The following PCDH9 variants were observed in gnomAD, a reference collection of about 807,000 sequenced individuals.
PCDH9 encodes the protein protocadherin-9.
Under a neutral mutation model 70.6 loss-of-function variants are expected in PCDH9, and 24 were observed. The observed-to-expected ratio is 0.34, with a 90% CI of 0.25 to 0.48. The LOEUF is 0.48. Ranked by LOEUF, PCDH9 falls within the 20% of genes least tolerant of loss-of-function variation. PCDH9 has a pLI of 0.99. For synonymous variants in PCDH9, 562 were observed against 558.5 expected, an observed-to-expected ratio of 1.01 and a Z score of -0.09; for missense variants, 1,281 against 1,503.6, an observed-to-expected ratio of 0.85 and a Z score of 2.45.
At chr13:66,945,848 TC>T in intron 2 of PCDH9, among the ~76,000 whole-genome samples, 1 of 152,302 alleles carries the variant, frequency 6.6e-6, no homozygotes, top group South Asian at 2.1e-4. Flanking sequence ...TAAGAAATAC[TC>T]ATGGGTATGT....
chr13:67,129,921 A>G (rs2087070042), intron 2 of PCDH9, among the ~76,000 whole-genome samples: 1 of 152,112 alleles, frequency 6.6e-6, no homozygotes, highest in African/African-American at 2.4e-5. Context: ...CTTATTATTA[A>G]TTATTTTAAA....
chr13:66,412,940 T>C (rs1237376207), intron 4 of PCDH9, among the ~76,000 whole-genome samples: 2 of 152,236 alleles, frequency 1.3e-5, no homozygotes, highest in East Asian at 3.8e-4. Context: ...AATATGTTCA[T>C]TATTTGCCGC....
At chr13:66,897,297 A>G (rs1014129421) in intron 3 of PCDH9, among the ~76,000 whole-genome samples, 1 of 152,040 alleles carries the variant, frequency 6.6e-6, no homozygotes, top group Non-Finnish European at 1.5e-5. Flanking sequence ...AGATTAATAT[A>G]TGACTCATAG....
intron 2 of PCDH9, among the ~76,000 whole-genome samples, chr13:67,168,642 G>A (rs1341143142): frequency 6.6e-6 from 1 of 151,950 alleles, no homozygotes; most frequent in African/African-American, 2.4e-5. Context: ...GAGATGGGGG[G>A]ATTACTTGAG....
chr13:66,623,666 C>CTGGT (rs1366159577), intron 4 of PCDH9, among the ~76,000 whole-genome samples: 22 of 152,282 alleles, frequency 1.4e-4, no homozygotes, highest in African/African-American at 5.3e-4. Context: ...TCTCCAACTC[C>CTGGT]TGGCTTCAAG....
chr13:67,100,303 C>T (rs1280715463), intron 2 of PCDH9, among the ~76,000 whole-genome samples: 1 of 152,072 alleles, frequency 6.6e-6, no homozygotes, highest in Non-Finnish European at 1.5e-5. Context: ...TTACTGAGTG[C>T]TCAGTATGTA....
chr13:67,228,249 G>A lies in PCDH9; in HGVS notation c.192C>T (p.Tyr64=). The A allele has an allele frequency of 6.2e-7, 1 of 1,613,138 alleles. No homozygotes were observed. The highest frequency in any genetic ancestry group is 8.5e-7 in the Non-Finnish European group (1 of 1,179,600). ...AATGTSASLV[Y]RLVSKAGDAP... ...CATCCCCAGCTTTAGAAACCAGTCT[G>A]TAGACAAGGCTGGCGCTGGTCCCTG... is the stretch of plus-strand genomic sequence containing the variant. Residue 64 remains tyrosine, a synonymous_variant, in exon 2 of 5, where the codon TAC becomes TAT. Transcript: ENST00000377865.
intron 4 of PCDH9, among the ~76,000 whole-genome samples, chr13:66,617,015 G>C (rs1363790557): frequency 3.3e-5 from 5 of 152,324 alleles, no homozygotes; most frequent in East Asian, 3.9e-4. Context: ...GCTGATTCCT[G>C]CTGATTAAGC....
At chr13:66,739,192 T>C (rs1284389076) in intron 3 of PCDH9, among the ~76,000 whole-genome samples, 16 of 139,414 alleles carry the variant, frequency 1.1e-4, no homozygotes, top group Non-Finnish European at 2.2e-4. Flanking sequence ...ATATTCAACA[T>C]TCTTAAAGAA....
At chr13:66,483,865 G>C (rs187955265) in intron 4 of PCDH9, among the ~76,000 whole-genome samples, 6 of 152,224 alleles carry the variant, frequency 3.9e-5, no homozygotes, top group Admixed American at 2.0e-4. Flanking sequence ...GACCCCTAGC[G>C]GGCAGATACA....
At chr13:66,325,169 T>C (rs1489124447) in intron 4 of PCDH9, among the ~76,000 whole-genome samples, 1 of 152,084 alleles carries the variant, frequency 6.6e-6, no homozygotes, top group Non-Finnish European at 1.5e-5. Context: ...AAACTTGATG[T>C]GTATTTTTAC....
chr13:67,211,602 A>C (rs957165368), intron 2 of PCDH9: 1 of 152,110 alleles, frequency 6.6e-6, no homozygotes, highest in Non-Finnish European at 1.5e-5. Context: ...GTAATAGCCG[A>C]ATTATGACAT....
At chr13:66,888,511 A>T (rs1286842057) in intron 3 of PCDH9, among the ~76,000 whole-genome samples, 1 of 151,436 alleles carries the variant, frequency 6.6e-6, no homozygotes, top group Non-Finnish European at 1.5e-5. Context: ...AAATATAAAT[A>T]AAAAAATAAA....
chr13:66,788,807 C>T (rs1023331035), intron 3 of PCDH9, among the ~76,000 whole-genome samples: 4 of 152,020 alleles, frequency 2.6e-5, no homozygotes, highest in African/African-American at 9.7e-5. Context: ...TGATCCATCC[C>T]TGTTGTTTTT....
At position 66,943,439 on chromosome 13, in the gene PCDH9, T is replaced by A. The variant is rs114991566; in HGVS notation, c.3037-39834A>T. On this transcript the variant is annotated intron_variant, in intron 2 of 4. Transcript: ENST00000377865. ...ATCAAGATTTGTGGAAATCATAGAG[T>A]ACTGACATTTCTCTACTCCACTATC... Among the ~76,000 whole-genome samples the A allele has an allele frequency of 5.5e-3, 838 of 152,160 alleles. 7 individuals are homozygous for A. Among genetic ancestry groups the A allele is most frequent in the African/African-American group, 0.015 (603 of 41,534 alleles).
At chr13:66,793,806 A>T (rs1403801385) in intron 3 of PCDH9, among the ~76,000 whole-genome samples, 1 of 152,192 alleles carries the variant, frequency 6.6e-6, no homozygotes, top group Non-Finnish European at 1.5e-5. Context: ...TGGCTTCTAA[A>T]ATAATGCTGT....
chr13:67,032,514 G>A (rs1470818865), intron 2 of PCDH9, among the ~76,000 whole-genome samples: 1 of 152,078 alleles, frequency 6.6e-6, no homozygotes, highest in Non-Finnish European at 1.5e-5. Context: ...TCCAGCTTAA[G>A]AGCAGTGTAG....
intron 4 of PCDH9, among the ~76,000 whole-genome samples, chr13:66,392,327 T>C (rs1957032093): frequency 6.6e-6 from 1 of 152,012 alleles, no homozygotes; most frequent in African/African-American, 2.4e-5. Flanking sequence ...AGAGAAAAGG[T>C]TGCAATACAA....
At chr13:66,548,341 G>A (rs887747266) in intron 4 of PCDH9, among the ~76,000 whole-genome samples, 1 of 151,976 alleles carries the variant, frequency 6.6e-6, no homozygotes. Context: ...AAGGCGGGAG[G>A]ATCACCTGAA....
Sources: allele counts gnomAD v4.1 joint callset (sites outside exome capture counted in the v4.1 genomes callset), GRCh38; gene constraint gnomAD v4.1.1; transcripts MANE v1.5; gene names NCBI Gene and HGNC (gene_info 2026-07-23, HGNC 2026-07-21).